Variants in RNF170 observed in about 807,000 individuals in gnomAD.
The protein encoded by RNF170 is ring finger protein 170.
In RNF170, 12 loss-of-function variants were observed where a neutral mutation model predicts 32.7. The observed-to-expected ratio is 0.37, with a 90% confidence interval of 0.24 to 0.60. The LOEUF is 0.60. Among genes scored for constraint, RNF170 ranks in the 20% least tolerant of loss-of-function variants. RNF170 has a pLI of 0.72. For synonymous variants in RNF170, 91 were observed against 103.6 expected (o/e 0.88, Z 0.74); for missense variants, 212 against 311.2 (o/e 0.68, Z 2.40).
intron 1 of RNF170, among the ~76,000 whole-genome samples, chr8:42,889,080 G>A (rs1806081216): frequency 3.3e-5 from 5 of 152,114 alleles, no homozygotes; most frequent in African/African-American, 4.8e-5. Context: ...AGACATTTAG[G>A]CTATAGAACA....
At chr8:42,869,861 A>T in intron 4 of RNF170, 143 bp downstream of exon 4, 1 of 702,944 alleles carries the variant, frequency 1.4e-6, no homozygotes, top group Non-Finnish European at 2.6e-6. Flanking sequence ...TTGGTTGACA[A>T]GTAGAGCAGG....
downstream of RNF170, chr8:42,849,645 T>C (rs1030685920): frequency 5.3e-5 from 8 of 152,188 alleles, no homozygotes; most frequent in African/African-American, 1.9e-4. Context: ...AATGCCAGAA[T>C]AGTAGTTTAT....
chr8:42,872,966 C>T (rs976407422), intron 3 of RNF170, among the ~76,000 whole-genome samples: 10 of 152,248 alleles, frequency 6.6e-5, no homozygotes, highest in Non-Finnish European at 1.2e-4. Context: ...GCAAGCACAG[C>T]TCACTGTAGC....
chr8:42,851,757 G>GC (rs11381314), downstream of RNF170, among the ~76,000 whole-genome samples: 152,187 of 152,192 alleles, frequency 1, 76,091 homozygotes, highest in Non-Finnish European at 1. Flanking sequence ...TCCCACTTCA[G>GC]CTCTGGAGTA....
intron 3 of RNF170, among the ~76,000 whole-genome samples, chr8:42,871,194 A>T (rs531015682): frequency 6.6e-6 from 1 of 151,894 alleles, no homozygotes; most frequent in South Asian, 2.1e-4. Flanking sequence ...TGGGCAACAG[A>T]GACCCTGTCT....
chr8:42,853,495 G>C lies in RNF170; in HGVS notation c.*2664C>G. On this transcript the variant is annotated 3_prime_UTR_variant, in exon 7 of 7. Transcript: ENST00000527424. ...GAGAATTGTAGTAGTTGAAACCACTGTTCTAGTGGGCAGTTAGAACAGTTG... is the reference window on the plus strand; with the variant it reads ...GAGAATTGTAGTAGTTGAAACCACTCTTCTAGTGGGCAGTTAGAACAGTTG... 1 of 1,287,050 alleles carries C rather than the reference G, an allele frequency of 7.8e-7. No individual in the cohort carries two copies. The highest frequency in any genetic ancestry group is 1.0e-6 in the Non-Finnish European group (1 of 988,582). The allele number at this position is 1,287,050 out of a possible 1,614,324, so 79.7% of individuals were successfully genotyped here.
intron 5 of RNF170, among the ~76,000 whole-genome samples, chr8:42,863,694 C>T (rs1803841230): frequency 6.6e-6 from 1 of 152,192 alleles, no homozygotes; most frequent in African/African-American, 2.4e-5. Flanking sequence ...CCCGCCTCAG[C>T]CTCCCAAAGT....
chr8:42,895,870 G>A lies in RNF170; in HGVS notation c.-8+614C>T, dbSNP rs1009593772. Among the ~76,000 whole-genome samples the A allele has an allele frequency of 2.0e-5, 3 of 152,332 alleles. No individual in the cohort carries two copies. In the South Asian group the frequency reaches 6.2e-4, roughly 32 times the overall value. ...ACTAGTCAGGCTAGGAGACAATCAG[G>A]CTCCGAAAGGAGCACAGGGCATGGG... On this transcript the variant is annotated intron_variant, in intron 1 of 6. Transcript: ENST00000527424.
At chr8:42,895,169 G>C (rs759090067) in intron 1 of RNF170, among the ~76,000 whole-genome samples, 4 of 151,990 alleles carry the variant, frequency 2.6e-5, no homozygotes, top group Non-Finnish European at 5.9e-5. Flanking sequence ...AAGAAAATTA[G>C]CTGAGCATCG....
At chr8:42,852,617 A>G (rs559057651), downstream of RNF170, among the ~76,000 whole-genome samples, 33 of 152,088 alleles carry the variant, frequency 2.2e-4, no homozygotes, top group South Asian at 5.4e-3. Context: ...GGGTTTCACT[A>G]TGTTGGCCAG....
At chr8:42,850,815 AAC>A, downstream of RNF170, 2 of 1,551,608 alleles carry the variant, frequency 1.3e-6, no homozygotes, top group Non-Finnish European at 1.7e-6. Flanking sequence ...AAAGGATGGA[AAC>A]ACAGTCTAGT....
intron 2 of RNF170, among the ~76,000 whole-genome samples, chr8:42,878,606 G>A (rs1034946055): frequency 9.2e-5 from 14 of 152,218 alleles, no homozygotes; most frequent in Non-Finnish European, 1.5e-5. Context: ...TGACATTTAA[G>A]GAAAGACAAA....
At chr8:42,896,348 G>C (rs1167860224) in intron 1 of RNF170, 136 bp downstream of exon 1, 1 of 412,664 alleles carries the variant, frequency 2.4e-6, no homozygotes. Context: ...GGAGGGGCCC[G>C]GGGGGAAGGA....
chr8:42,850,637 A>G, downstream of RNF170: 1 of 857,458 alleles, frequency 1.2e-6, no homozygotes, highest in Non-Finnish European at 1.8e-6. Context: ...AGTGAGAAGC[A>G]GACAGACAAT....
chr8:42,863,432 A>G (rs1245266321), intron 5 of RNF170, among the ~76,000 whole-genome samples: 1 of 151,944 alleles, frequency 6.6e-6, no homozygotes, highest in Non-Finnish European at 1.5e-5. Context: ...ACGGGCAAAT[A>G]AGCTTCAATT....
Position 42,891,144 on chromosome 8 carries a change from T to C in RNF170, c.-7-3273A>G, listed in dbSNP as rs576674531. On this transcript the variant is annotated intron_variant, in intron 1 of 6. Coordinates refer to ENST00000527424, the MANE Select transcript of RNF170 (RefSeq NM_030954.4). ...AACTGAAGCCCAAGCAGTTGTTGCT[T>C]GGACATGAGGAGCCCTGAATTTTAG... Among the ~76,000 whole-genome samples the C allele has an allele frequency of 2.0e-5, 3 of 152,308 alleles. No homozygotes were observed. The East Asian group carries it at 5.8e-4, about 29-fold the overall frequency.
At chr8:42,887,655 T>C in intron 2 of RNF170, 73 bp downstream of exon 2, 1 of 1,288,700 alleles carries the variant, frequency 7.8e-7, no homozygotes, top group East Asian at 2.3e-5. Context: ...ATATTAAGTA[T>C]TATACATTAT....
At chr8:42,869,949 A>G in intron 4 of RNF170, 55 bp downstream of exon 4, 1 of 1,254,004 alleles carries the variant, frequency 8.0e-7, no homozygotes, top group Non-Finnish European at 1.2e-6. Flanking sequence ...CTTTGTACAC[A>G]TAGAGGTCTT....
At position 42,869,084 on chromosome 8, in the gene RNF170, A is replaced by AT. The variant is rs556708154; in HGVS notation, c.322+919dup. ...AGCTATTGCGCCTGGCTAATTTCTT[A>AT]TTTTTTGTGGAGACAGGGTCTCCTT... On this transcript the variant is annotated intron_variant, in intron 4 of 6. Transcript: ENST00000527424. Among the ~76,000 whole-genome samples the AT allele has an allele frequency of 2.6e-5, 4 of 151,802 alleles. No homozygotes were observed. In the South Asian group the frequency reaches 6.3e-4, roughly 24 times the overall value.
Sources: allele counts gnomAD v4.1 joint callset (sites outside exome capture counted in the v4.1 genomes callset), GRCh38; gene constraint gnomAD v4.1.1; transcripts MANE v1.5; gene names NCBI Gene and HGNC (gene_info 2026-07-23, HGNC 2026-07-21).